PREPL: variants seen among roughly 807,000 people sequenced by gnomAD.
PREPL encodes prolyl endopeptidase-like.
A neutral mutation model predicts 70.6 loss-of-function variants in PREPL; 77 were observed. That is an observed-to-expected ratio of 1.09 (90% CI 0.91 to 1.32). The LOEUF (loss-of-function observed/expected upper bound fraction) is 1.32. PREPL is among the 40% of genes most tolerant of loss of function. The probability of loss-of-function intolerance (pLI) is 0.00; values close to 1 mark genes in which losing one functional copy is unlikely to be tolerated. For synonymous variants in PREPL, 315 were observed against 264.8 expected (o/e 1.19, Z -1.84); for missense variants, 1,002 against 778.2 (o/e 1.29, Z -3.42).
At chr2:44,325,129 G>T (rs564515776) in intron 10 of PREPL, among the ~76,000 whole-genome samples, 136 of 152,290 alleles carry the variant, frequency 8.9e-4, no homozygotes, top group African/African-American at 3.1e-3. Flanking sequence ...GCCTCTCACT[G>T]TGGAGATACT....
chr2:44,328,438 CAAAAAAAAA>C (rs1194898905), intron 9 of PREPL, among the ~76,000 whole-genome samples: 5 of 61,190 alleles, frequency 8.2e-5, no homozygotes, highest in African/African-American at 2.5e-4. Flanking sequence ...CTGTCTCAAA[CAAAAAAAAA>C]AAAAAAAAAA....
Position 44,338,573 on chromosome 2 carries a change from A to G in PREPL, c.703-37T>C, listed in dbSNP as rs146225218. 3.5e-5 allele frequency: 53 copies of G among 1,519,214 alleles called. No individual in the cohort carries two copies. In the Admixed American group the frequency reaches 6.6e-4, roughly 19 times the overall value. 94.1% of individuals were successfully genotyped at this position (1,519,214 alleles called of 1,614,324 possible). ...AAAGTTAGAAGACATATAGGTAAGA[A>G]AACACGAAGGCTGCAGCATCCAGAG... is the stretch of plus-strand genomic sequence containing the variant. On this transcript the variant is annotated intron_variant, in intron 6 of 13. Transcript: ENST00000409411.
At position 44,320,136 on chromosome 2, in the gene PREPL, A is replaced by C. The variant is rs2103639787; in HGVS notation, c.*1220T>G. ...GGTAAATAACTCCTTACAATATATT[A>C]AAAATACTTACAAACAATTCTTAGA... On this transcript the variant is annotated 3_prime_UTR_variant, in exon 14 of 14. Transcript: ENST00000409411. 2.8e-6 allele frequency: 4 copies of C among 1,422,802 alleles called. No individual in the cohort carries two copies. Among genetic ancestry groups the C allele is most frequent in the Middle Eastern group, 2.4e-4 (1 of 4,220 alleles). The allele number at this position is 1,422,802 out of a possible 1,614,324, so 88.1% of individuals were successfully genotyped here.
intron 8 of PREPL, among the ~76,000 whole-genome samples, chr2:44,329,344 C>T (rs557971002): frequency 9.9e-5 from 15 of 152,258 alleles, no homozygotes; most frequent in African/African-American, 3.6e-4. Context: ...CAAGACTGGC[C>T]TGAAAACATT....
chr2:44,349,134 TAGA>T (rs1304304550), intron 1 of PREPL, among the ~76,000 whole-genome samples: 1 of 152,152 alleles, frequency 6.6e-6, no homozygotes, highest in Non-Finnish European at 1.5e-5. Flanking sequence ...TGTTATAAAA[TAGA>T]AGGAGAATGA....
upstream of PREPL, chr2:44,361,508 C>G (rs1677815696): frequency 6.5e-6 from 1 of 153,394 alleles, no homozygotes; most frequent in African/African-American, 2.4e-5. Context: ...CCGCAGCCCA[C>G]AGAACGACAA....
At chr2:44,332,795 T>C in intron 7 of PREPL, 139 bp from the exon 8 acceptor site, 1 of 641,038 alleles carries the variant, frequency 1.6e-6, no homozygotes, top group Non-Finnish European at 2.6e-6. Context: ...CATTCAAGGA[T>C]TACTTTATCA....
At chr2:44,329,512 T>TTTGAGTA (rs1198976826) in intron 8 of PREPL, among the ~76,000 whole-genome samples, 1 of 152,204 alleles carries the variant, frequency 6.6e-6, no homozygotes, top group Admixed American at 6.5e-5. Flanking sequence ...ATTGGCATTT[T>TTTGAGTA]TCACTTTTGA....
At chr2:44,347,371 G>C (rs900005406) in intron 1 of PREPL, 1 of 152,100 alleles carries the variant, frequency 6.6e-6, no homozygotes, top group Non-Finnish European at 1.5e-5. Flanking sequence ...TAATGAAACA[G>C]AGCTTCTTTT....
chr2:44,329,162 C>G (rs1381384200), intron 8 of PREPL, 50 bp from the exon 9 acceptor site: 1 of 1,423,600 alleles, frequency 7.0e-7, no homozygotes, highest in Non-Finnish European at 9.7e-7. Flanking sequence ...TTTATAATAA[C>G]TGTTTTATCC....
At chr2:44,331,953 T>C (rs1196293460) in intron 8 of PREPL, among the ~76,000 whole-genome samples, 3 of 150,400 alleles carry the variant, frequency 2.0e-5, no homozygotes, top group Non-Finnish European at 4.4e-5. Flanking sequence ...TTTCTTTTTT[T>C]TTTTTTTTTT....
chr2:44,359,463 G>T (rs371303798), intron 1 of PREPL: 5 of 1,399,464 alleles, frequency 3.6e-6, no homozygotes, highest in South Asian at 2.5e-5. Context: ...TAATCTTAAT[G>T]ACCTACAAAT....
intron 1 of PREPL, among the ~76,000 whole-genome samples, chr2:44,357,793 G>A (rs1677207726): frequency 6.6e-6 from 1 of 151,972 alleles, no homozygotes; most frequent in Admixed American, 6.6e-5. Context: ...TAACCTAAAG[G>A]TCCAAAATTT....
intron 8 of PREPL, among the ~76,000 whole-genome samples, chr2:44,331,889 T>TA (rs1674136068): frequency 2.6e-5 from 4 of 151,998 alleles, no homozygotes; most frequent in African/African-American, 4.8e-5. Flanking sequence ...AAATCAACTT[T>TA]AAAAAATCAG....
intron 1 of PREPL, among the ~76,000 whole-genome samples, chr2:44,353,689 T>G (rs1201848393): frequency 6.6e-6 from 1 of 151,858 alleles, no homozygotes; most frequent in Non-Finnish European, 1.5e-5. Flanking sequence ...GAGATGAAAG[T>G]GAGAGTCAAG....
chr2:44,360,423 C>A (rs984926725), intron 1 of PREPL: 1 of 152,182 alleles, frequency 6.6e-6, no homozygotes, highest in African/African-American at 2.4e-5. Flanking sequence ...GCAAAAAATC[C>A]AATTTGGTTC....
intron 13 of PREPL, 183 bp downstream of exon 13, chr2:44,321,644 A>T: frequency 6.7e-7 from 1 of 1,500,322 alleles, no homozygotes; most frequent in Non-Finnish European, 8.9e-7. Context: ...TCACGTATCA[A>T]GTACAAGAGA....
chr2:44,320,665 C>T lies in PREPL; in HGVS notation c.*691G>A, dbSNP rs750087384. 1.3e-6 allele frequency: 2 copies of T among 1,571,756 alleles called. No individual in the cohort carries two copies. Among genetic ancestry groups the T allele is most frequent in the Non-Finnish European group, 1.8e-6 (2 of 1,141,666 alleles). ...GCACCTTTATGAAGAGATGAAGACACTGGCATTTCAGTGGGATTGTAAGCA... is the reference window on the plus strand; with the variant it reads ...GCACCTTTATGAAGAGATGAAGACATTGGCATTTCAGTGGGATTGTAAGCA... On this transcript the variant is annotated 3_prime_UTR_variant, in exon 14 of 14. Transcript: ENST00000409411.
chr2:44,355,580 A>C (rs1676941202), intron 1 of PREPL, among the ~76,000 whole-genome samples: 1 of 152,100 alleles, frequency 6.6e-6, no homozygotes, highest in African/African-American at 2.4e-5. Flanking sequence ...AAAGACTCTC[A>C]TCTTCACTCA....
Sources: gnomAD v4.1 joint callset for allele counts (sites outside exome capture counted in the v4.1 genomes callset) on GRCh38, gnomAD v4.1.1 for gene constraint, MANE v1.5 for transcripts, NCBI Gene and HGNC (gene_info 2026-07-23, HGNC 2026-07-21) for gene names.